Variants in NRXN1 observed in about 807,000 individuals in gnomAD.
NRXN1 encodes the protein neurexin 1.
Under a neutral mutation model 150.9 loss-of-function variants are expected in NRXN1, and 39 were observed. The observed-to-expected ratio is 0.26, with a 90% CI of 0.20 to 0.34. The LOEUF (loss-of-function observed/expected upper bound fraction) is 0.34. Among genes scored for constraint, NRXN1 ranks in the 10% least tolerant of loss-of-function variants. The pLI is 1.00. For synonymous variants in NRXN1, 924 were observed against 757.0 expected (o/e 1.22, Z -3.62); for missense variants, 1,815 against 1,949.9 (o/e 0.93, Z 1.30).
chr2:50,907,659 T>G (rs1013929924), intron 5 of NRXN1, among the ~76,000 whole-genome samples: 5 of 151,866 alleles, frequency 3.3e-5, no homozygotes, highest in Non-Finnish European at 4.4e-5. Flanking sequence ...TACAGAAGAA[T>G]GGTCTGAGAG....
chr2:50,640,232 A>ATTC (rs1020732956), intron 5 of NRXN1, among the ~76,000 whole-genome samples: 2 of 152,146 alleles, frequency 1.3e-5, no homozygotes, highest in Non-Finnish European at 2.9e-5. Flanking sequence ...TTCTCAGGTG[A>ATTC]TTCTAATATG....
intron 17 of NRXN1, among the ~76,000 whole-genome samples, chr2:50,454,859 A>G (rs2087382146): frequency 6.6e-6 from 1 of 152,294 alleles, no homozygotes; most frequent in Middle Eastern, 3.4e-3. Context: ...TCTAGACAGT[A>G]AATATTTGGG....
At chr2:50,952,537 G>C (rs1575037340) in intron 2 of NRXN1, among the ~76,000 whole-genome samples, 1 of 152,248 alleles carries the variant, frequency 6.6e-6, no homozygotes, top group East Asian at 1.9e-4. Context: ...CACAGCTGTA[G>C]GTGTTGGAGA....
intron 18 of NRXN1, among the ~76,000 whole-genome samples, chr2:50,134,648 A>AT (rs1264064673): frequency 6.6e-6 from 1 of 152,196 alleles, no homozygotes; most frequent in Non-Finnish European, 1.5e-5. Context: ...GACACCAAGC[A>AT]TAAGAAATCA....
intron 22 of NRXN1, among the ~76,000 whole-genome samples, chr2:49,925,745 A>C (rs557536090): frequency 1.3e-5 from 2 of 151,858 alleles, no homozygotes; most frequent in Admixed American, 1.3e-4. Context: ...TAATTAATTA[A>C]AATTTACTTT....
At chr2:50,235,698 G>A (rs1041204788) in intron 18 of NRXN1, among the ~76,000 whole-genome samples, 5 of 152,018 alleles carry the variant, frequency 3.3e-5, no homozygotes, top group Non-Finnish European at 7.4e-5. Flanking sequence ...AATGTCCTTT[G>A]GAGAGTGAGC....
chr2:50,476,017 A>G (rs1012254571), intron 15 of NRXN1, among the ~76,000 whole-genome samples: 1 of 152,104 alleles, frequency 6.6e-6, no homozygotes, highest in African/African-American at 2.4e-5. Context: ...TGTAGATATG[A>G]AGCTAGCCTG....
intron 17 of NRXN1, among the ~76,000 whole-genome samples, chr2:50,373,585 A>AAGAAAGAAAGAGAGAG (rs1347992547): frequency 6.7e-6 from 1 of 149,874 alleles, no homozygotes; most frequent in African/African-American, 2.5e-5. Flanking sequence ...TGAATTTGGA[A>AAGAAAGAAAGAGAGAG]AGAAAGAAAG....
At chr2:49,984,278 G>T (rs1157064833) in intron 21 of NRXN1, among the ~76,000 whole-genome samples, 1 of 152,108 alleles carries the variant, frequency 6.6e-6, no homozygotes, top group African/African-American at 2.4e-5. Context: ...CTAGCAAGTG[G>T]AAAAATCAGA....
intron 21 of NRXN1, among the ~76,000 whole-genome samples, chr2:49,998,826 G>A (rs1338423482): frequency 2.0e-5 from 3 of 152,038 alleles, no homozygotes; most frequent in African/African-American, 7.2e-5. Context: ...TTTTGAGCCA[G>A]CTGTTCATAA....
chr2:50,243,720 T>A (rs946045232), intron 17 of NRXN1, among the ~76,000 whole-genome samples: 1 of 151,914 alleles, frequency 6.6e-6, no homozygotes, highest in Admixed American at 6.6e-5. Context: ...GTTTTCCAAA[T>A]TTTTAAGGGG....
chr2:50,674,566 C>T (rs528175187), intron 5 of NRXN1, among the ~76,000 whole-genome samples: 23 of 151,896 alleles, frequency 1.5e-4, no homozygotes, highest in Non-Finnish European at 2.2e-4. Context: ...GAGGCTACTG[C>T]GATAGTTCAG....
intron 5 of NRXN1, among the ~76,000 whole-genome samples, chr2:50,907,205 A>T (rs1446569618): frequency 6.6e-6 from 1 of 151,964 alleles, no homozygotes; most frequent in Non-Finnish European, 1.5e-5. Context: ...AAACAAAAAA[A>T]TAAACCAACC....
At chr2:50,413,626 T>G (rs1428875702) in intron 17 of NRXN1, among the ~76,000 whole-genome samples, 2 of 151,930 alleles carry the variant, frequency 1.3e-5, no homozygotes, top group African/African-American at 2.4e-5. Context: ...AGTTTGGAGG[T>G]TCCTCAAAAA....
At chr2:50,902,091 CT>C (rs1683041026) in intron 5 of NRXN1, among the ~76,000 whole-genome samples, 1 of 151,916 alleles carries the variant, frequency 6.6e-6, no homozygotes, top group Admixed American at 6.6e-5. Flanking sequence ...TATTTTTTTC[CT>C]TTAGAAAAGC....
intron 5 of NRXN1, among the ~76,000 whole-genome samples, chr2:50,675,044 C>G (rs977625960): frequency 6.6e-6 from 1 of 151,842 alleles, no homozygotes; most frequent in African/African-American, 2.4e-5. Flanking sequence ...GACACCTCTT[C>G]CCTCTCGCTC....
intron 17 of NRXN1, among the ~76,000 whole-genome samples, chr2:50,255,957 T>C (rs919646552): frequency 2.6e-5 from 4 of 152,166 alleles, no homozygotes; most frequent in Non-Finnish European, 5.9e-5. Context: ...AATACTGAAG[T>C]CACAGTCATA....
At chr2:50,685,903 CT>C (rs1691159042) in intron 5 of NRXN1, among the ~76,000 whole-genome samples, 1 of 151,994 alleles carries the variant, frequency 6.6e-6, no homozygotes, top group Non-Finnish European at 1.5e-5. Flanking sequence ...TTGTAGTTTA[CT>C]TTTTTTCCTA....
chr2:50,492,200 T>G lies in NRXN1; in HGVS notation c.3070+3705A>C, dbSNP rs548138356. Among the ~76,000 whole-genome samples, 11 of 152,292 alleles carry G rather than the reference T, an allele frequency of 7.2e-5. No homozygotes were observed. In the East Asian group the frequency reaches 2.1e-3, roughly 29 times the overall value. On this transcript the variant is annotated intron_variant, in intron 15 of 22. Coordinates refer to ENST00000401669, the MANE Select transcript of NRXN1 (RefSeq NM_001330078.2). ...ATCATTCCAGAGAGCAAATTTCTGC[T>G]GCTCCTTTCATTGCATGTTGCTGCT...
Sources: allele counts gnomAD v4.1 joint callset (sites outside exome capture counted in the v4.1 genomes callset), GRCh38; gene constraint gnomAD v4.1.1; transcripts MANE v1.5; gene names NCBI Gene and HGNC (gene_info 2026-07-23, HGNC 2026-07-21).